The following PRKCZ variants were observed in gnomAD, a reference collection of about 807,000 sequenced individuals.
The protein encoded by PRKCZ is protein kinase C zeta type.
In PRKCZ, 33 loss-of-function variants were observed where a neutral mutation model predicts 79.5. The ratio of observed to expected loss-of-function variants is 0.41; its 90% confidence interval spans 0.31 to 0.55. The LOEUF (loss-of-function observed/expected upper bound fraction) is 0.55. PRKCZ is among the 20% of genes least tolerant of loss of function. The probability of loss-of-function intolerance (pLI) is 0.19; values close to 1 mark genes in which losing one functional copy is unlikely to be tolerated. For missense variants in PRKCZ, 578 were observed against 813.5 expected (o/e 0.71, Z 3.52); for synonymous variants, 342 against 320.9 (o/e 1.07, Z -0.70).
Position 2,177,250 on chromosome 1 carries a change from A to AC in PRKCZ, c.1575+1939dup, listed in dbSNP as rs1212590628. Reference sequence around the variant, plus strand: ...TCCACACACACACTCAGGTCCAGGTACCACCCGGCTGAACCCGTAGCAGGT... The same window carrying AC: ...TCCACACACACACTCAGGTCCAGGTACCCACCCGGCTGAACCCGTAGCAGGT... On this transcript the variant is annotated intron_variant, in intron 16 of 17. Transcript: ENST00000378567. This position sits in a 1 kb window ranked among gnomAD's most constrained non-coding sequence, Gnocchi z 6.4. 2.0e-5 allele frequency among the ~76,000 whole-genome samples: 3 copies of AC among 152,124 alleles called. No homozygotes were observed. The highest frequency in any genetic ancestry group is 7.2e-5 in the African/African-American group (3 of 41,430).
In PRKCZ at chr1:2,123,609, TGGTGGTTAGGGTCACGGC is replaced by T. The variant is rs1673010428; in HGVS notation, c.335-11635_335-11618del. 5.5e-5 allele frequency among the ~76,000 whole-genome samples: 2 copies of T among 36,224 alleles called. 1 individual carries two copies. Among genetic ancestry groups the T allele is most frequent in the Non-Finnish European group, 1.1e-4 (2 of 18,896 alleles). The allele number at this position is 36,224 out of a possible 152,430, so 23.8% of individuals were successfully genotyped here. A position where few individuals can be genotyped will look rare whatever the true frequency, so the allele number is the denominator to read the frequency against. On this transcript the variant is annotated intron_variant, in intron 4 of 17. Coordinates refer to ENST00000378567, the MANE Select transcript of PRKCZ (RefSeq NM_002744.6). ...GTCACGGTGGTAGTTAGGGTCACGGTGGTGGTTAGGGTCACGGCGGTGGTTAGGGTCACGGTGGTAGTT... is the reference window on the plus strand; with the variant it reads ...GTCACGGTGGTAGTTAGGGTCACGGTGGTGGTTAGGGTCACGGTGGTAGTT...
chr1:2,050,165 C>T (rs932023855), upstream of PRKCZ: 3 of 152,156 alleles, frequency 2.0e-5, no homozygotes, highest in Admixed American at 1.3e-4. Context: ...GGGGCCCCTC[C>T]GGTTGCCGGG....
intron 4 of PRKCZ, among the ~76,000 whole-genome samples, chr1:2,088,524 C>T (rs1222082266): frequency 2.0e-5 from 3 of 152,202 alleles, no homozygotes; most frequent in Admixed American, 1.3e-4. Flanking sequence ...GAGTGATTGC[C>T]GCGTGACTCA....
In PRKCZ at chr1:2,149,483, C is replaced by G. The variant is rs898506385; in HGVS notation, c.687+559C>G. On this transcript the variant is annotated intron_variant, in intron 8 of 17. Coordinates refer to ENST00000378567, the MANE Select transcript of PRKCZ (RefSeq NM_002744.6). This position sits in a 1 kb window ranked among gnomAD's most constrained non-coding sequence, Gnocchi z 4.1. ...CTGCACTAGCGAAGCCCACTCCTTT[C>G]CAGAGCACCAACAAGTGTCACCCTC... 6.6e-6 allele frequency among the ~76,000 whole-genome samples: 1 copy of G among 152,188 alleles called. No homozygotes were observed. The highest frequency in any genetic ancestry group is 2.4e-5 in the African/African-American group (1 of 41,440).
intron 7 of PRKCZ, among the ~76,000 whole-genome samples, chr1:2,147,404 C>G (rs567866214): frequency 6.6e-6 from 1 of 150,910 alleles, no homozygotes; most frequent in South Asian, 2.1e-4. Flanking sequence ...GTTCACTGAC[C>G]TCTCCTTCCA....
intron 3 of PRKCZ, 24 bp from the exon 4 acceptor site, chr1:2,059,516 CT>C: frequency 6.2e-7 from 1 of 1,613,972 alleles, no homozygotes; most frequent in Non-Finnish European, 8.5e-7. Context: ...GGTCTTGACG[CT>C]GTCTCTTTCT....
intron 4 of PRKCZ, among the ~76,000 whole-genome samples, chr1:2,089,672 C>T (rs996400792): frequency 1.3e-5 from 2 of 152,142 alleles, no homozygotes; most frequent in Non-Finnish European, 2.9e-5. Flanking sequence ...CTGACACCGT[C>T]GCCTGTGGGT....
chr1:2,067,673 G>A (rs1455173796), intron 4 of PRKCZ, among the ~76,000 whole-genome samples: 1 of 152,158 alleles, frequency 6.6e-6, no homozygotes, highest in Non-Finnish European at 1.5e-5. Context: ...GGTGCCTCGG[G>A]CCCCTCTCCC....
chr1:2,168,259 C>G lies in PRKCZ; in HGVS notation c.975-1259C>G, dbSNP rs771265887. 1.3e-5 allele frequency among the ~76,000 whole-genome samples: 2 copies of G among 152,154 alleles called. No individual in the cohort carries two copies. The highest frequency in any genetic ancestry group is 3.9e-4 in the East Asian group (2 of 5,176). On this transcript the variant is annotated intron_variant, in intron 10 of 17. Coordinates refer to ENST00000378567, the MANE Select transcript of PRKCZ (RefSeq NM_002744.6). The surrounding 1 kb of genome is among the most constrained non-coding windows in gnomAD (Gnocchi z 4.7). ...AAATAGATGCACCAGTGAGCATAGC[C>G]TCGTTCCAATAAAACTTTATTTACA...
At chr1:2,083,879 A>T (rs1483443603) in intron 4 of PRKCZ, among the ~76,000 whole-genome samples, 1 of 152,202 alleles carries the variant, frequency 6.6e-6, no homozygotes, top group African/African-American at 2.4e-5. Flanking sequence ...CAGTTACCTT[A>T]AAAATCCGCT....
chr1:2,061,457 G>A (rs2102249294), intron 4 of PRKCZ, among the ~76,000 whole-genome samples: 1 of 152,252 alleles, frequency 6.6e-6, no homozygotes, highest in South Asian at 2.1e-4. Flanking sequence ...GAAGGGGAGT[G>A]TGTCATGGGG....
intron 10 of PRKCZ, 101 bp from the exon 11 acceptor site, chr1:2,169,417 G>A (rs1683973836): frequency 2.0e-6 from 2 of 984,274 alleles, no homozygotes; most frequent in Non-Finnish European, 3.2e-6. Context: ...TGAACCTGCG[G>A]GAGGGTTCGG....
At chr1:2,097,805 C>T (rs1666781466) in intron 4 of PRKCZ, among the ~76,000 whole-genome samples, 2 of 152,214 alleles carry the variant, frequency 1.3e-5, no homozygotes, top group Non-Finnish European at 2.9e-5. Flanking sequence ...ATTTAATTTT[C>T]TCAGCAAGGC....
At chr1:2,065,661 A>G (rs1391463133) in intron 4 of PRKCZ, among the ~76,000 whole-genome samples, 2 of 146,934 alleles carry the variant, frequency 1.4e-5, no homozygotes, top group African/African-American at 2.6e-5. Context: ...CCTGGGCAAC[A>G]GAGCCAGACT....
Position 2,168,696 on chromosome 1 carries a change from C to A in PRKCZ, c.975-822C>A, listed in dbSNP as rs1683816477. On this transcript the variant is annotated intron_variant, in intron 10 of 17. Transcript: ENST00000378567. This position sits in a 1 kb window ranked among gnomAD's most constrained non-coding sequence, Gnocchi z 4.7. ...TGGGATCGAAGGAAACGGGCAGAGTCACCACACGCTTCCCTCCTTCACTCC... is the reference window on the plus strand; with the variant it reads ...TGGGATCGAAGGAAACGGGCAGAGTAACCACACGCTTCCCTCCTTCACTCC... 6.6e-6 allele frequency among the ~76,000 whole-genome samples: 1 copy of A among 152,018 alleles called. No homozygotes were observed. The highest frequency in any genetic ancestry group is 2.4e-5 in the African/African-American group (1 of 41,358).
intron 4 of PRKCZ, among the ~76,000 whole-genome samples, chr1:2,103,314 G>A (rs1052134425): frequency 7.9e-5 from 12 of 152,220 alleles, no homozygotes; most frequent in African/African-American, 2.4e-4. Flanking sequence ...AGGCTTCCCC[G>A]GGAGAGCGGC....
At chr1:2,080,804 A>G (rs1233792032) in intron 4 of PRKCZ, among the ~76,000 whole-genome samples, 2 of 152,028 alleles carry the variant, frequency 1.3e-5, no homozygotes, top group Non-Finnish European at 2.9e-5. Context: ...GGTCCCTCTC[A>G]CTGTGGCAGG....
intron 10 of PRKCZ, among the ~76,000 whole-genome samples, chr1:2,159,474 G>A (rs1051978807): frequency 7.2e-5 from 11 of 152,230 alleles, no homozygotes; most frequent in Non-Finnish European, 5.9e-5. Context: ...CGCTCTGGGC[G>A]GCCTCACAGC....
chr1:2,095,651 C>G (rs1666329407), intron 4 of PRKCZ, among the ~76,000 whole-genome samples: 1 of 152,028 alleles, frequency 6.6e-6, no homozygotes, highest in Non-Finnish European at 1.5e-5. Context: ...CTCCCGCAGC[C>G]TGGCATGGGC....
Sources: gnomAD v4.1 joint callset for allele counts (sites outside exome capture counted in the v4.1 genomes callset) on GRCh38, gnomAD v4.1.1 for gene constraint, Gnocchi (gnomAD v3.1) non-coding constraint, MANE v1.5 for transcripts, NCBI Gene and HGNC (gene_info 2026-07-23, HGNC 2026-07-21) for gene names.